ROBO2: variants seen among roughly 807,000 people sequenced by gnomAD.
The protein encoded by ROBO2 is roundabout guidance receptor 2.
In ROBO2, 53 loss-of-function variants were observed where a neutral mutation model predicts 160.8. The observed-to-expected ratio is 0.33, with a 90% CI of 0.26 to 0.41. The LOEUF (loss-of-function observed/expected upper bound fraction) is 0.41, where lower values mean the gene tolerates loss of function less well. Ranked by LOEUF, ROBO2 falls within the 10% of genes least tolerant of loss-of-function variation. ROBO2 has a pLI of 1.00. For missense variants in ROBO2, 1,577 were observed against 1,722.4 expected (o/e 0.92, Z 1.49); for synonymous variants, 664 against 611.7 (o/e 1.09, Z -1.26).
intron 2 of ROBO2, among the ~76,000 whole-genome samples, chr3:75,973,928 G>A (rs562243440): frequency 1.2e-4 from 18 of 151,736 alleles, no homozygotes; most frequent in African/African-American, 4.3e-4. Flanking sequence ...TAAAGATGGT[G>A]GGATAGGGCT....
intron 2 of ROBO2, among the ~76,000 whole-genome samples, chr3:76,212,382 G>C (rs1293413393): frequency 1.3e-5 from 2 of 151,780 alleles, no homozygotes. Context: ...TATTAAAAGA[G>C]GGACAGGGCC....
At chr3:77,634,629 T>C (rs1583423519) in intron 23 of ROBO2, 1 of 507,144 alleles carries the variant, frequency 2.0e-6, no homozygotes, top group Non-Finnish European at 3.6e-6. Flanking sequence ...CTGTTTTATG[T>C]TCATTTGTTT....
chr3:76,895,074 G>A (rs2074663733), intron 2 of ROBO2, among the ~76,000 whole-genome samples: 2 of 152,008 alleles, frequency 1.3e-5, no homozygotes, highest in Admixed American at 6.6e-5. Context: ...ATTCCTGACT[G>A]GAGGGATTTG....
In ROBO2 at chr3:77,353,134, C is replaced by A. The variant is rs2068581698; in HGVS notation, c.389-124280C>A. On this transcript the variant is annotated intron_variant, in intron 2 of 25. Coordinates refer to ENST00000461745, the Ensembl canonical transcript of ROBO2. ...TTTATTTTTAAAAATGTTACTCTTA[C>A]AACCAACCCCCTTTATGAACCTGGT... Among the ~76,000 whole-genome samples, 2 of 140,312 alleles carry A rather than the reference C, an allele frequency of 1.4e-5. 1 individual carries two copies. Among genetic ancestry groups the A allele is most frequent in the South Asian group, 4.6e-4 (2 of 4,324 alleles). 92.1% of individuals were successfully genotyped at this position (140,312 alleles called of 152,430 possible). A position where few individuals can be genotyped will look rare whatever the true frequency, so the allele number is the denominator to read the frequency against.
At chr3:76,682,443 C>T (rs1034838823) in intron 2 of ROBO2, among the ~76,000 whole-genome samples, 1 of 151,668 alleles carries the variant, frequency 6.6e-6, no homozygotes, top group Non-Finnish European at 1.5e-5. Context: ...GAGTCTTGCT[C>T]TGTTGACCAG....
chr3:77,419,748 C>T (rs975929529), intron 2 of ROBO2, among the ~76,000 whole-genome samples: 2 of 152,030 alleles, frequency 1.3e-5, no homozygotes, highest in Admixed American at 1.3e-4. Flanking sequence ...TATAAACTGC[C>T]ATTATAAGTA....
At chr3:77,459,962 C>T (rs990687540) in intron 2 of ROBO2, among the ~76,000 whole-genome samples, 10 of 150,692 alleles carry the variant, frequency 6.6e-5, no homozygotes, top group African/African-American at 2.2e-4. Context: ...GGGGGTCCTT[C>T]GGAGAATTTT....
chr3:77,455,085 G>T (rs936180807), intron 2 of ROBO2, among the ~76,000 whole-genome samples: 1 of 152,092 alleles, frequency 6.6e-6, no homozygotes, highest in African/African-American at 2.4e-5. Flanking sequence ...AAATTATTAT[G>T]GGAGAACAAA....
chr3:76,144,400 C>G (rs1191845841), intron 2 of ROBO2, among the ~76,000 whole-genome samples: 1 of 151,930 alleles, frequency 6.6e-6, no homozygotes, highest in Non-Finnish European at 1.5e-5. Context: ...AAGAATTCAT[C>G]AGGTTTTAAA....
At chr3:77,007,135 A>T (rs1473270314) in intron 2 of ROBO2, among the ~76,000 whole-genome samples, 2 of 152,142 alleles carry the variant, frequency 1.3e-5, no homozygotes, top group Non-Finnish European at 2.9e-5. Context: ...TAAAAGTGAG[A>T]ATTGCCTTCT....
intron 2 of ROBO2, among the ~76,000 whole-genome samples, chr3:76,375,747 C>T (rs2076313272): frequency 6.6e-6 from 1 of 151,952 alleles, no homozygotes; most frequent in Non-Finnish European, 1.5e-5. Flanking sequence ...AAGCAAAAAA[C>T]TAGAAAGTAA....
chr3:75,949,244 T>A lies in ROBO2; in HGVS notation c.109+11642T>A, dbSNP rs558619449. ...CTTGTCACTCACCATTTCTGCCTCATCTCACTTCTCATCTTTATTTCTTTT... is the reference window on the plus strand; with the variant it reads ...CTTGTCACTCACCATTTCTGCCTCAACTCACTTCTCATCTTTATTTCTTTT... On this transcript the variant is annotated intron_variant, in intron 2 of 26. Coordinates refer to the ROBO2 transcript ENST00000487694. 6.6e-5 allele frequency among the ~76,000 whole-genome samples: 10 copies of A among 152,214 alleles called. No individual in the cohort carries two copies. In the South Asian group the frequency reaches 2.1e-3, roughly 32 times the overall value.
At chr3:76,723,676 A>G (rs2093500835) in intron 2 of ROBO2, among the ~76,000 whole-genome samples, 1 of 152,188 alleles carries the variant, frequency 6.6e-6, no homozygotes, top group Non-Finnish European at 1.5e-5. Context: ...TTATTTCCCC[A>G]TTCATCTCCA....
chr3:77,252,982 A>C (rs1421911043), intron 2 of ROBO2, among the ~76,000 whole-genome samples: 1 of 151,210 alleles, frequency 6.6e-6, no homozygotes, highest in Non-Finnish European at 1.5e-5. Context: ...TTTTGGAAAA[A>C]AATATGGATG....
chr3:75,968,793 G>GT (rs71101871), intron 2 of ROBO2, among the ~76,000 whole-genome samples: 649 of 15,818 alleles, frequency 0.041, 256 homozygotes, highest in Middle Eastern at 0.22. Flanking sequence ...TACTTGGCTT[G>GT]TTTTAGATAG....
At chr3:77,106,252 A>G (rs931208476) in intron 2 of ROBO2, among the ~76,000 whole-genome samples, 1 of 152,154 alleles carries the variant, frequency 6.6e-6, no homozygotes. Flanking sequence ...CATGTTGCCC[A>G]GGCTGGTCTT....
At chr3:76,382,360 A>C (rs2076672416) in intron 2 of ROBO2, among the ~76,000 whole-genome samples, 1 of 152,100 alleles carries the variant, frequency 6.6e-6, no homozygotes, top group Non-Finnish European at 1.5e-5. Context: ...AGGCCGAGGC[A>C]GGCGGATCAC....
At chr3:76,423,781 T>C (rs1021545094) in intron 2 of ROBO2, among the ~76,000 whole-genome samples, 1 of 152,196 alleles carries the variant, frequency 6.6e-6, no homozygotes, top group African/African-American at 2.4e-5. Flanking sequence ...TCATGGATAG[T>C]CATCCATGGG....
rs1156673465 is a variant in ROBO2, at chr3:76,436,180, A to ACACACACACACACACC, written c.109+498579_109+498580insACACACACACACACCC. Reference sequence around the variant, plus strand: ...GGAAAACACACACACACACACACACACCATTTCTTTTTCTTTTTTTTTATT... The same window carrying ACACACACACACACACC: ...GGAAAACACACACACACACACACACACACACACACACACACCCCATTTCTTTTTCTTTTTTTTTATT... On this transcript the variant is annotated intron_variant, in intron 2 of 26. Transcript: ENST00000487694. Among the ~76,000 whole-genome samples the ACACACACACACACACC allele has an allele frequency of 1.1e-4, 17 of 150,890 alleles. 1 individual carries two copies. The South Asian group carries it at 2.7e-3, about 24-fold the overall frequency.
Sources: gnomAD v4.1 joint callset for allele counts (sites outside exome capture counted in the v4.1 genomes callset) on GRCh38, gnomAD v4.1.1 for gene constraint, MANE v1.5 for transcripts, NCBI Gene and HGNC (gene_info 2026-07-23, HGNC 2026-07-21) for gene names.